RANBP2: variants seen among roughly 807,000 people sequenced by gnomAD.
RANBP2 encodes the protein E3 SUMO-protein ligase RanBP2.
A neutral mutation model predicts 303.6 loss-of-function variants in RANBP2; 57 were observed. The observed-to-expected ratio is 0.19, with a 90% CI of 0.15 to 0.23. The LOEUF is 0.23. Ranked by LOEUF, RANBP2 falls within the 10% of genes least tolerant of loss-of-function variation. RANBP2 has a pLI of 1.00. For synonymous variants in RANBP2, 1,167 were observed against 1,301.5 expected, an observed-to-expected ratio of 0.90 and a Z score of 2.23; for missense variants, 3,138 against 3,780.8, an observed-to-expected ratio of 0.83 and a Z score of 4.46.
chr2:109,037,476 G>C, the RANBP2 span, among the ~76,000 whole-genome samples: 1 of 152,126 alleles, frequency 6.6e-6, no homozygotes, highest in Middle Eastern at 3.4e-3. Flanking sequence ...AGACAAGAAA[G>C]AGAGATAAAA....
At chr2:108,910,597 C>A in the RANBP2 span, 1 of 1,467,938 alleles carries the variant, frequency 6.8e-7, no homozygotes, top group South Asian at 1.2e-5. Flanking sequence ...TGCGCTCAGC[C>A]CAACCCTGCT....
the RANBP2 span, among the ~76,000 whole-genome samples, chr2:109,598,363 C>T: frequency 1.3e-5 from 2 of 152,032 alleles, no homozygotes; most frequent in Middle Eastern, 3.2e-3. Context: ...CCACTGCGCC[C>T]GGCCCTATAA....
chr2:109,641,544 A>G, the RANBP2 span, among the ~76,000 whole-genome samples: 5 of 152,324 alleles, frequency 3.3e-5, no homozygotes, highest in East Asian at 9.7e-4. Flanking sequence ...ACAGTAGTCA[A>G]ATTCATAGAG....
the RANBP2 span, among the ~76,000 whole-genome samples, chr2:109,762,183 G>A: frequency 7.0e-6 from 1 of 142,438 alleles, no homozygotes; most frequent in Non-Finnish European, 1.5e-5. Context: ...AAACTTTTAC[G>A]TATTGCACTG....
At chr2:109,398,088 C>G in the RANBP2 span, among the ~76,000 whole-genome samples, 8 of 152,192 alleles carry the variant, frequency 5.3e-5, no homozygotes, top group South Asian at 1.7e-3. Flanking sequence ...GAGCAGACTC[C>G]CCTGCCACAG....
At chr2:109,502,566 CTGGCGGGGTGGA>C in the RANBP2 span, 2 of 152,124 alleles carry the variant, frequency 1.3e-5, no homozygotes, top group African/African-American at 2.4e-5. Context: ...ACTCTGGGGG[CTGGCGGGGTGGA>C]TCCATTGAGG....
At chr2:109,593,295 G>C in the RANBP2 span, among the ~76,000 whole-genome samples, 1 of 151,906 alleles carries the variant, frequency 6.6e-6, no homozygotes, top group Admixed American at 6.6e-5. Context: ...TTGCTGGATA[G>C]GTATCTACAT....
intron 23 of RANBP2, 29 bp downstream of exon 23, chr2:108,773,075 C>G (rs973151933): frequency 1.9e-6 from 3 of 1,586,118 alleles, no homozygotes; most frequent in African/African-American, 1.3e-5. Context: ...AATTTTCCTT[C>G]TAGTTCCATT....
chr2:109,514,034 C>CA, the RANBP2 span, among the ~76,000 whole-genome samples: 1 of 152,200 alleles, frequency 6.6e-6, no homozygotes, highest in African/African-American at 2.4e-5. Flanking sequence ...CCTCACCACT[C>CA]AAAGCTAGAA....
the RANBP2 span, among the ~76,000 whole-genome samples, chr2:109,038,774 A>C: frequency 6.6e-6 from 1 of 152,244 alleles, no homozygotes; most frequent in African/African-American, 2.4e-5. Context: ...AAGTAGCACC[A>C]GTAACTTTCA....
the RANBP2 span, among the ~76,000 whole-genome samples, chr2:108,875,347 C>T: frequency 6.8e-6 from 1 of 146,742 alleles, no homozygotes; most frequent in Non-Finnish European, 1.5e-5. Context: ...GAAACAAATT[C>T]TTAATGATTG....
chr2:109,285,945 G>C, the RANBP2 span, among the ~76,000 whole-genome samples: 7 of 152,092 alleles, frequency 4.6e-5, no homozygotes, highest in African/African-American at 1.4e-4. Context: ...CCTCTTTTCT[G>C]CCCTGGGTTC....
At chr2:109,359,767 A>T in the RANBP2 span, among the ~76,000 whole-genome samples, 1 of 152,150 alleles carries the variant, frequency 6.6e-6, no homozygotes, top group Non-Finnish European at 1.5e-5. Flanking sequence ...CAGTTTCTTC[A>T]GCATCCTCAA....
the RANBP2 span, among the ~76,000 whole-genome samples, chr2:109,160,967 G>C: frequency 2.2e-3 from 337 of 152,280 alleles, no homozygotes; most frequent in African/African-American, 7.7e-3. Context: ...GGCGTGGCAG[G>C]GGCTCAGAGA....
the RANBP2 span, among the ~76,000 whole-genome samples, chr2:109,224,093 C>T: frequency 1.1e-4 from 17 of 152,206 alleles, no homozygotes; most frequent in South Asian, 1.0e-3. Flanking sequence ...TACCTAGCCT[C>T]GCCCCTTGTT....
At chr2:109,361,065 T>C in the RANBP2 span, among the ~76,000 whole-genome samples, 18 of 152,236 alleles carry the variant, frequency 1.2e-4, no homozygotes, top group Admixed American at 1.2e-3. Context: ...AAGCTTTTTC[T>C]GTATTTACTG....
chr2:109,162,885 A>AC, the RANBP2 span, among the ~76,000 whole-genome samples: 1 of 151,106 alleles, frequency 6.6e-6, no homozygotes, highest in Non-Finnish European at 1.5e-5. Flanking sequence ...TTACCAAAAA[A>AC]ACCACCTCTT....
intron 17 of RANBP2, among the ~76,000 whole-genome samples, chr2:108,755,542 C>T (rs1005105122): frequency 5.3e-5 from 8 of 152,086 alleles, no homozygotes; most frequent in African/African-American, 7.2e-5. Flanking sequence ...GACAGTCACA[C>T]GCCACCAGGC....
the RANBP2 span, among the ~76,000 whole-genome samples, chr2:109,599,207 C>G: frequency 3.3e-5 from 5 of 152,188 alleles, no homozygotes; most frequent in Middle Eastern, 3.4e-3. Flanking sequence ...CCTGTAACCC[C>G]AGCACTCTGG....
Sources: allele counts gnomAD v4.1 joint callset (sites outside exome capture counted in the v4.1 genomes callset), GRCh38; gene constraint gnomAD v4.1.1; transcripts MANE v1.5; gene names NCBI Gene and HGNC (gene_info 2026-07-23, HGNC 2026-07-21).